Variants in MB observed in about 807,000 individuals in gnomAD.
MB encodes myoglobin.
Under a neutral mutation model 14.5 loss-of-function variants are expected in MB, and 10 were observed. That is an observed-to-expected ratio of 0.69 (90% CI 0.43 to 1.17). The LOEUF is 1.17. MB is among the 50% of genes most tolerant of loss of function. MB has a pLI of 0.00. For synonymous variants in MB, 89 were observed against 78.6 expected (o/e 1.13, Z -0.70); for missense variants, 169 against 192.7 (o/e 0.88, Z 0.73).
intron 1 of MB, among the ~76,000 whole-genome samples, chr22:35,615,414 T>A (rs976852743): frequency 5.9e-5 from 9 of 152,316 alleles, no homozygotes; most frequent in African/African-American, 2.2e-4. Flanking sequence ...CTAGGCATTA[T>A]GTCTTATCCC....
chr22:35,622,894 C>T (rs1168862928), intron 1 of MB, among the ~76,000 whole-genome samples: 2 of 152,170 alleles, frequency 1.3e-5, no homozygotes, highest in South Asian at 2.1e-4. Flanking sequence ...CAGGACTCCT[C>T]CCACCCCGCT....
At chr22:35,615,193 C>G (rs1416086502) in intron 1 of MB, among the ~76,000 whole-genome samples, 3 of 152,334 alleles carry the variant, frequency 2.0e-5, no homozygotes, top group South Asian at 4.1e-4. Flanking sequence ...AATCCAGAGT[C>G]AGTATCTAGA....
At chr22:35,610,561 A>G (rs1158177637) in intron 2 of MB, among the ~76,000 whole-genome samples, 1 of 152,130 alleles carries the variant, frequency 6.6e-6, no homozygotes. Context: ...TTCCCCATCT[A>G]TCAAGTGGAT....
chr22:35,616,364 T>C (rs1923078036), intron 1 of MB, among the ~76,000 whole-genome samples: 1 of 152,164 alleles, frequency 6.6e-6, no homozygotes, highest in Admixed American at 6.5e-5. Flanking sequence ...GAATCCCTTG[T>C]GGTAGAAGGC....
At chr22:35,622,485 C>A (rs1243273450) in intron 1 of MB, 1 of 152,528 alleles carries the variant, frequency 6.6e-6, no homozygotes, top group East Asian at 1.9e-4. Context: ...GACCACAGCT[C>A]CCCTTCTCCC....
upstream of MB, chr22:35,622,174 A>G (rs1227327879): frequency 1.3e-5 from 2 of 152,250 alleles, no homozygotes; most frequent in Non-Finnish European, 2.9e-5. Flanking sequence ...ACTCCCCACG[A>G]TCTTCACTAC....
At chr22:35,614,734 C>CCATTATCATTATCATTATCATTAT (rs58036134) in intron 1 of MB, among the ~76,000 whole-genome samples, 2 of 150,522 alleles carry the variant, frequency 1.3e-5, no homozygotes, top group South Asian at 2.1e-4. Flanking sequence ...ATCATCTCTA[C>CCATTATCATTATCATTATCATTAT]CATTATCATT....
upstream of MB, among the ~76,000 whole-genome samples, chr22:35,619,825 G>A (rs1012237517): frequency 4.6e-5 from 7 of 152,104 alleles, no homozygotes; most frequent in Non-Finnish European, 7.4e-5. Context: ...GCCATGAGCC[G>A]CCACTCCCTG....
Position 35,617,210 on chromosome 22 carries a change from C to G in MB, c.48G>C (p.Gly16=). The change falls in exon 1 of 3, where the codon GGG becomes GGC. Residue 16 remains glycine, a synonymous_variant. Transcript: ENST00000397326. ...GGCCTGGGATGTCAGCCTCCACCTT[C>G]CCCCAGACGTTCAGCACCAACTGCC... ...GEWQLVLNVW[G]KVEADIPGHG... is the part of the protein sequence containing the mutation. 1 of 1,614,082 alleles carries G rather than the reference C, an allele frequency of 6.2e-7. No individual in the cohort carries two copies. The highest frequency in any genetic ancestry group is 8.5e-7 in the Non-Finnish European group (1 of 1,179,956).
rs1312955741 is a variant in MB, at chr22:35,610,992, G to C, written c.210C>G (p.Leu70=). Residue 70 remains leucine (L), a synonymous_variant, in exon 2 of 3, where the codon CTC becomes CTG. Coordinates refer to ENST00000397326, the MANE Select transcript of MB (RefSeq NM_005368.3). ...EDLKKHGATV[L]TALGGILKKK... The stretch of plus-strand genomic sequence containing the variant: ...TCTTAAGGATGCCACCCAGGGCGGT[G>C]AGCACGGTGGCACCATGCTTCTTTA... The C allele has an allele frequency of 6.2e-7, 1 of 1,614,118 alleles. No homozygotes were observed. Among genetic ancestry groups the C allele is most frequent in the Non-Finnish European group, 8.5e-7 (1 of 1,179,952 alleles).
rs113456082 is a variant in MB at position 35,614,518 on chromosome 22, G to C, written c.95+2645C>G. ...AAAAAAAAAAGGAGCAAGGATTCTG[G>C]ATCCAAGCTGCCTGAATTTGAATTC... On this transcript the variant is annotated intron_variant, in intron 1 of 2. Coordinates refer to ENST00000397326, the MANE Select transcript of MB (RefSeq NM_005368.3). Among the ~76,000 whole-genome samples the C allele has an allele frequency of 4.5e-3, 679 of 151,898 alleles. 7 individuals are homozygous for C. The highest frequency in any genetic ancestry group is 4.7e-3 in the Non-Finnish European group (320 of 67,978).
chr22:35,621,854 C>T (rs1431212654), upstream of MB: 1 of 152,180 alleles, frequency 6.6e-6, no homozygotes, highest in Non-Finnish European at 1.5e-5. Context: ...AGTCGGGGGC[C>T]TCAGTCTGGT....
chr22:35,619,000 T>C (rs966722694), upstream of MB, among the ~76,000 whole-genome samples: 1 of 149,670 alleles, frequency 6.7e-6, no homozygotes, highest in African/African-American at 2.5e-5. Context: ...TCATCCCCCC[T>C]CCATCCATCT....
upstream of MB, chr22:35,617,372 G>T: frequency 1.4e-6 from 1 of 696,934 alleles, no homozygotes; most frequent in East Asian, 2.7e-5. Context: ...CTTCTGGGAT[G>T]CTTGACAAAG....
At chr22:35,621,541 C>T (rs543064660), upstream of MB, among the ~76,000 whole-genome samples, 25 of 152,308 alleles carry the variant, frequency 1.6e-4, no homozygotes, top group Admixed American at 5.2e-4. Context: ...AGGCCTTCAA[C>T]GGTATTTTGT....
rs1922587147 is a variant in MB, at chr22:35,611,091, G to A, written c.111C>T (p.His37=). The part of the protein sequence containing the change: ...QEVLIRLFKG[H]PETLEKFDKF... The stretch of plus-strand genomic sequence containing the variant: ...TGTCAAACTTCTCCAGAGTCTCTGG[G>A]TGACCCTTAAAGAGCCTGTGGGCAC... Residue 37 remains histidine (H), a synonymous_variant, in exon 2 of 3, where the codon CAC becomes CAT. Coordinates refer to ENST00000397326, the MANE Select transcript of MB (RefSeq NM_005368.3). The A allele has an allele frequency of 3.1e-6, 5 of 1,613,964 alleles. No individual in the cohort carries two copies. Among genetic ancestry groups the A allele is most frequent in the Middle Eastern group, 1.6e-4 (1 of 6,062 alleles).
At position 35,606,777 on chromosome 22, in the gene MB, G is replaced by C. The variant is rs1922167240; in HGVS notation, c.*520C>G. The C allele has an allele frequency of 6.6e-6, 1 of 151,566 alleles. No homozygotes were observed. The highest frequency in any genetic ancestry group is 2.4e-5 in the African/African-American group (1 of 41,240). The allele number at this position is 151,566 out of a possible 1,614,324, so 9.4% of individuals were successfully genotyped here. ...CCAGGCAGAAACTGAGATGTTGCAG[G>C]TTGTTTTATTAAAACCAGGTGAGTC... On this transcript the variant is annotated 3_prime_UTR_variant, in exon 3 of 3. Transcript: ENST00000397326.
In MB at chr22:35,616,991, C is replaced by T. The variant is rs556548381; in HGVS notation, c.95+172G>A. The T allele has an allele frequency of 2.6e-4, 157 of 595,238 alleles. 2 individuals carry two copies. In the South Asian group the frequency reaches 3.2e-3, roughly 12 times the overall value. 36.9% of individuals were successfully genotyped at this position (595,238 alleles called of 1,614,324 possible). A position where few individuals can be genotyped will look rare whatever the true frequency, so the allele number is the denominator to read the frequency against. On this transcript the variant is annotated intron_variant, in intron 1 of 2. Transcript: ENST00000397326. ...AGCCTGAAATGGCTCCTTTCCCTCT[C>T]CTGAGTCCAATCCCTGACACTTAAA...
intron 1 of MB, among the ~76,000 whole-genome samples, chr22:35,612,957 C>T (rs959504579): frequency 1.3e-5 from 2 of 152,158 alleles, no homozygotes; most frequent in African/African-American, 4.8e-5. Context: ...ACGCACAAGC[C>T]TGAACCACAT....
Sources: gnomAD v4.1 joint callset for allele counts (sites outside exome capture counted in the v4.1 genomes callset) on GRCh38, gnomAD v4.1.1 for gene constraint, MANE v1.5 for transcripts, NCBI Gene and HGNC (gene_info 2026-07-23, HGNC 2026-07-21) for gene names.